The following TTLL11 variants were observed in gnomAD, a reference collection of about 807,000 sequenced individuals.
TTLL11 encodes the protein tubulin polyglutamylase TTLL11.
In TTLL11, 42 loss-of-function variants were observed where a neutral mutation model predicts 51.7. That is an observed-to-expected ratio of 0.81 (90% CI 0.64 to 1.05). The LOEUF (loss-of-function observed/expected upper bound fraction) is 1.05. Among genes scored for constraint, TTLL11 ranks in the 50% least tolerant of loss-of-function variants. TTLL11 has a pLI of 0.00. For missense variants in TTLL11, 799 were observed against 940.4 expected, an observed-to-expected ratio of 0.85 and a Z score of 1.97; for synonymous variants, 381 against 383.5, an observed-to-expected ratio of 0.99 and a Z score of 0.08.
At chr9:122,038,188 T>C (rs895281029) in intron 2 of TTLL11, among the ~76,000 whole-genome samples, 1 of 152,164 alleles carries the variant, frequency 6.6e-6, no homozygotes, top group Non-Finnish European at 1.5e-5. Context: ...ATGTTCTTTT[T>C]AGAAAGTATT....
At chr9:121,954,264 A>G (rs566808593) in intron 6 of TTLL11, among the ~76,000 whole-genome samples, 1 of 152,352 alleles carries the variant, frequency 6.6e-6, no homozygotes, top group South Asian at 2.1e-4. Flanking sequence ...CCTGTGAACC[A>G]GAGGAATGAT....
intron 4 of TTLL11, among the ~76,000 whole-genome samples, chr9:121,982,976 T>C (rs1842858861): frequency 6.6e-6 from 1 of 152,154 alleles, no homozygotes; most frequent in Non-Finnish European, 1.5e-5. Flanking sequence ...GGATCCACCT[T>C]GTGTTTTAAA....
chr9:121,984,481 G>T (rs980136045), intron 4 of TTLL11, among the ~76,000 whole-genome samples: 2 of 152,144 alleles, frequency 1.3e-5, no homozygotes, highest in African/African-American at 4.8e-5. Flanking sequence ...CTGCAGATAA[G>T]GAAGCTGAGA....
intron 6 of TTLL11, among the ~76,000 whole-genome samples, chr9:121,937,591 A>T (rs1460827548): frequency 1.5e-5 from 2 of 129,366 alleles, no homozygotes; most frequent in Non-Finnish European, 3.1e-5. Context: ...CTCTATTGGC[A>T]TATAGTAGCT....
At chr9:122,030,701 C>G (rs112228440) in intron 3 of TTLL11, among the ~76,000 whole-genome samples, 1 of 149,226 alleles carries the variant, frequency 6.7e-6, no homozygotes, top group Non-Finnish European at 1.5e-5. Context: ...GCGGGCAGAT[C>G]ACTTGAGGTC....
intron 2 of TTLL11, among the ~76,000 whole-genome samples, chr9:122,033,435 A>T (rs1345471437): frequency 1.3e-5 from 2 of 152,180 alleles, no homozygotes; most frequent in South Asian, 4.1e-4. Context: ...CTTAAGACAA[A>T]TATCATTGCC....
At chr9:121,960,741 G>A (rs1313872359) in intron 6 of TTLL11, among the ~76,000 whole-genome samples, 1 of 152,150 alleles carries the variant, frequency 6.6e-6, no homozygotes, top group Non-Finnish European at 1.5e-5. Flanking sequence ...CAGTCCGGGG[G>A]AAGAAAATGA....
At chr9:122,087,639 T>A (rs1237434941) in intron 1 of TTLL11, among the ~76,000 whole-genome samples, 1 of 152,150 alleles carries the variant, frequency 6.6e-6, no homozygotes, top group African/African-American at 2.4e-5. Context: ...ACTGTGCACA[T>A]AAACACAACC....
chr9:122,048,102 G>T (rs1176790283), intron 1 of TTLL11, among the ~76,000 whole-genome samples: 4 of 152,048 alleles, frequency 2.6e-5, no homozygotes, highest in Non-Finnish European at 4.4e-5. Flanking sequence ...CCTTCCTCCA[G>T]GGTCTCCTCT....
chr9:121,872,953 C>A (rs1003880559), intron 6 of TTLL11, among the ~76,000 whole-genome samples: 11 of 152,196 alleles, frequency 7.2e-5, no homozygotes, highest in African/African-American at 2.6e-4. Flanking sequence ...CAGGTGGTTG[C>A]TTTTCAGTTG....
intron 2 of TTLL11, among the ~76,000 whole-genome samples, chr9:122,033,222 C>T (rs1270360598): frequency 3.3e-5 from 5 of 152,212 alleles, no homozygotes; most frequent in Admixed American, 6.5e-5. Flanking sequence ...AAGCAATTCT[C>T]CTGCCTCAGC....
intron 8 of TTLL11, among the ~76,000 whole-genome samples, chr9:121,848,356 T>TC (rs142206712): frequency 6.4e-4 from 96 of 151,094 alleles, no homozygotes; most frequent in Non-Finnish European, 1.2e-3. Context: ...GAAGAAAAAG[T>TC]CCCCCCCCTT....
chr9:121,848,969 A>G (rs1837592487), intron 8 of TTLL11, among the ~76,000 whole-genome samples: 1 of 152,254 alleles, frequency 6.6e-6, no homozygotes, highest in Non-Finnish European at 1.5e-5. Flanking sequence ...GAACCAAGTC[A>G]GTGGACTGAC....
intron 6 of TTLL11, among the ~76,000 whole-genome samples, chr9:121,896,278 C>T (rs762257351): frequency 7.2e-4 from 110 of 152,296 alleles, no homozygotes; most frequent in Middle Eastern, 3.4e-3. Flanking sequence ...ACATTTCTTA[C>T]GGCGCCCAAC....
intron 6 of TTLL11, among the ~76,000 whole-genome samples, chr9:121,881,188 C>A (rs1347864146): frequency 6.6e-6 from 1 of 152,210 alleles, no homozygotes; most frequent in Non-Finnish European, 1.5e-5. Context: ...ATGAAGGGAT[C>A]CTTTTAATTA....
chr9:121,953,588 G>A (rs537757565), intron 6 of TTLL11, among the ~76,000 whole-genome samples: 5 of 146,204 alleles, frequency 3.4e-5, no homozygotes, highest in East Asian at 2.0e-4. Flanking sequence ...AGCTGAGATC[G>A]CGCTAATGCA....
At chr9:122,044,593 A>G (rs1245419159) in intron 1 of TTLL11, among the ~76,000 whole-genome samples, 1 of 152,152 alleles carries the variant, frequency 6.6e-6, no homozygotes, top group Non-Finnish European at 1.5e-5. Context: ...TTTGATTTGC[A>G]TTTCTCTGAT....
chr9:121,833,495 C>T (rs930466836), intron 8 of TTLL11, among the ~76,000 whole-genome samples: 3 of 152,194 alleles, frequency 2.0e-5, no homozygotes, highest in Admixed American at 6.5e-5. Context: ...TCCTATCTTA[C>T]GTCTGCATAG....
chr9:121,946,103 C>T lies in TTLL11; in HGVS notation c.1481+27906G>A, dbSNP rs116239427. On this transcript the variant is annotated intron_variant, in intron 6 of 8. Coordinates refer to ENST00000321582, the MANE Select transcript of TTLL11 (RefSeq NM_001139442.2). ...AGCATTCCTTCTGCTGGGTTCATAA[C>T]GGGCACTAAATAAGTATTTGTTGAA... Among the ~76,000 whole-genome samples the T allele has an allele frequency of 5.8e-3, 885 of 152,294 alleles. 7 individuals are homozygous for T. Among genetic ancestry groups the T allele is most frequent in the African/African-American group, 0.02 (848 of 41,560 alleles).
Sources: allele counts gnomAD v4.1 joint callset (sites outside exome capture counted in the v4.1 genomes callset), GRCh38; gene constraint gnomAD v4.1.1; transcripts MANE v1.5; gene names NCBI Gene and HGNC (gene_info 2026-07-23, HGNC 2026-07-21).